Variants in CIMIP7 observed in about 807,000 individuals in gnomAD.
CIMIP7 encodes uncharacterized protein C3orf84.
the CIMIP7 span, among the ~76,000 whole-genome samples, chr3:49,179,673 C>G: frequency 6.6e-6 from 1 of 152,166 alleles, no homozygotes; most frequent in African/African-American, 2.4e-5. Flanking sequence ...GCATTTTTCA[C>G]CTGCTAACAT....
chr3:49,185,185 C>T, the CIMIP7 span, among the ~76,000 whole-genome samples: 1 of 151,158 alleles, frequency 6.6e-6, no homozygotes, highest in African/African-American at 2.4e-5. Context: ...CACTTGAACC[C>T]GGGAGGCAGA....
chr3:49,185,187 G>C, the CIMIP7 span, among the ~76,000 whole-genome samples: 1 of 151,572 alleles, frequency 6.6e-6, no homozygotes, highest in South Asian at 2.1e-4. Context: ...CTTGAACCCG[G>C]GAGGCAGAGG....
the CIMIP7 span, among the ~76,000 whole-genome samples, chr3:49,181,406 T>A: frequency 4.6e-5 from 7 of 150,830 alleles, 1 homozygote; most frequent in Admixed American, 4.0e-4. Flanking sequence ...ATCCCAGGAC[T>A]TTGAGAGGCC....
chr3:49,181,783 A>G, the CIMIP7 span, among the ~76,000 whole-genome samples: 2 of 152,274 alleles, frequency 1.3e-5, no homozygotes, highest in East Asian at 3.8e-4. Context: ...CAGACGACAA[A>G]TAACACATGA....
At chr3:49,178,434 GC>G in the CIMIP7 span, 9 of 1,569,072 alleles carry the variant, frequency 5.7e-6, no homozygotes, top group Non-Finnish European at 7.9e-6. Flanking sequence ...CCAGACTTCA[GC>G]TTAGGCTGGG....
chr3:49,188,335 A>G, the CIMIP7 span, among the ~76,000 whole-genome samples: 1 of 152,208 alleles, frequency 6.6e-6, no homozygotes, highest in Non-Finnish European at 1.5e-5. Flanking sequence ...AAGAAGGTGC[A>G]GTGGGTGGTA....
the CIMIP7 span, chr3:49,189,918 G>A: frequency 2.1e-4 from 173 of 830,474 alleles, no homozygotes; most frequent in Middle Eastern, 6.7e-4. Context: ...CCTGTCCCAG[G>A]GATAGGTGTC....
chr3:49,189,332 A>G, the CIMIP7 span, among the ~76,000 whole-genome samples: 2 of 150,742 alleles, frequency 1.3e-5, no homozygotes, highest in Non-Finnish European at 2.9e-5. Flanking sequence ...ACTGGTTTCG[A>G]GCTCCTGACC....
the CIMIP7 span, among the ~76,000 whole-genome samples, chr3:49,181,812 T>C: frequency 2.0e-5 from 3 of 152,234 alleles, no homozygotes; most frequent in South Asian, 4.1e-4. Flanking sequence ...CCGGAATGGG[T>C]GGGTTCTTCG....
At chr3:49,188,645 C>G in the CIMIP7 span, among the ~76,000 whole-genome samples, 1 of 152,146 alleles carries the variant, frequency 6.6e-6, no homozygotes, top group Non-Finnish European at 1.5e-5. Context: ...CCCCTTTGGG[C>G]TCAGTAGTAC....
chr3:49,177,812 A>C, the CIMIP7 span: 3 of 1,612,758 alleles, frequency 1.9e-6, no homozygotes, highest in Non-Finnish European at 1.7e-6. Flanking sequence ...GATGGGCAGC[A>C]GAAGTTCTGC....
chr3:49,185,689 CTTTT>C, the CIMIP7 span, among the ~76,000 whole-genome samples: 1 of 143,132 alleles, frequency 7.0e-6, no homozygotes. Flanking sequence ...AATTTTAAAG[CTTTT>C]TTTTTTTTTT....
At chr3:49,177,972 C>T in the CIMIP7 span, 15 of 1,613,380 alleles carry the variant, frequency 9.3e-6, no homozygotes, top group Non-Finnish European at 1.3e-5. Flanking sequence ...CACAGGGTGC[C>T]CAGCGCAGGA....
the CIMIP7 span, among the ~76,000 whole-genome samples, chr3:49,190,888 C>T: frequency 2.6e-5 from 4 of 151,872 alleles, no homozygotes; most frequent in African/African-American, 7.3e-5. Flanking sequence ...AGGCTGGTCT[C>T]GAACTCCTGA....
chr3:49,188,121 G>T, the CIMIP7 span, among the ~76,000 whole-genome samples: 12 of 152,324 alleles, frequency 7.9e-5, no homozygotes, highest in African/African-American at 2.9e-4. Flanking sequence ...TCTCAAAAGG[G>T]AGGTGGCCCT....
At chr3:49,188,708 C>T in the CIMIP7 span, among the ~76,000 whole-genome samples, 1 of 152,194 alleles carries the variant, frequency 6.6e-6, no homozygotes, top group Admixed American at 6.5e-5. Flanking sequence ...GAGGCTGTCA[C>T]AAGCAATCTT....
the CIMIP7 span, among the ~76,000 whole-genome samples, chr3:49,185,296 G>A: frequency 6.6e-6 from 1 of 151,382 alleles, no homozygotes; most frequent in South Asian, 2.1e-4. Flanking sequence ...CAAGCAGGGT[G>A]GCTCACACCT....
the CIMIP7 span, among the ~76,000 whole-genome samples, chr3:49,184,874 C>A: frequency 6.6e-6 from 1 of 151,444 alleles, no homozygotes; most frequent in Admixed American, 6.6e-5. Flanking sequence ...AAGCAATCCA[C>A]CCACCTCGGC....
the CIMIP7 span, among the ~76,000 whole-genome samples, chr3:49,181,391 C>A: frequency 6.6e-6 from 1 of 151,168 alleles, no homozygotes; most frequent in Non-Finnish European, 1.5e-5. Flanking sequence ...TGGCTTACAC[C>A]CGTAATCCCA....
Sources: gnomAD v4.1 joint callset for allele counts (sites outside exome capture counted in the v4.1 genomes callset) on GRCh38, gnomAD v4.1.1 for gene constraint, MANE v1.5 for transcripts, NCBI Gene and HGNC (gene_info 2026-07-23, HGNC 2026-07-21) for gene names.